Variants in PPP3CA observed in about 807,000 individuals in gnomAD.
The protein encoded by PPP3CA is protein phosphatase 3 catalytic subunit alpha.
PPP3CA carries 14 observed loss-of-function variants against 66.5 expected under a neutral mutation model. That is an observed-to-expected ratio of 0.21 (90% confidence interval 0.14 to 0.33). The LOEUF (loss-of-function observed/expected upper bound fraction) is 0.33. Ranked by LOEUF, PPP3CA falls within the 10% of genes least tolerant of loss-of-function variation. The pLI is 1.00. For synonymous variants in PPP3CA, 232 were observed against 226.2 expected, an observed-to-expected ratio of 1.03 and a Z score of -0.23; for missense variants, 317 against 639.5, an observed-to-expected ratio of 0.50 and a Z score of 5.44.
At chr4:101,309,512 C>T (rs945349553) in intron 1 of PPP3CA, among the ~76,000 whole-genome samples, 2 of 152,062 alleles carry the variant, frequency 1.3e-5, no homozygotes, top group African/African-American at 4.8e-5. Flanking sequence ...GGAGGTGGCA[C>T]TGCACAGTTC....
At chr4:101,232,516 T>C (rs1725995241) in intron 1 of PPP3CA, among the ~76,000 whole-genome samples, 1 of 151,786 alleles carries the variant, frequency 6.6e-6, no homozygotes, top group African/African-American at 2.4e-5. Flanking sequence ...ATAAATGCTT[T>C]ATCTCTAGTT....
At chr4:101,128,203 G>C (rs956732108) in intron 2 of PPP3CA, among the ~76,000 whole-genome samples, 11 of 152,120 alleles carry the variant, frequency 7.2e-5, no homozygotes, top group African/African-American at 2.7e-4. Flanking sequence ...ATGAGTTATA[G>C]TGTTCTATAC....
intron 4 of PPP3CA, 78 bp from the exon 5 acceptor site, chr4:101,098,590 A>G (rs1210404760): frequency 1.4e-6 from 2 of 1,390,838 alleles, no homozygotes; most frequent in Admixed American, 2.5e-5. Context: ...TTTTTTGAGA[A>G]GTTTTCTTGC....
At chr4:101,107,995 AC>A (rs1303970103) in intron 3 of PPP3CA, 1 of 152,232 alleles carries the variant, frequency 6.6e-6, no homozygotes, top group African/African-American at 2.4e-5. Context: ...TTATTAACAC[AC>A]CGTGTTAGGC....
At chr4:101,190,028 A>G (rs1039359031) in intron 2 of PPP3CA, among the ~76,000 whole-genome samples, 1 of 152,126 alleles carries the variant, frequency 6.6e-6, no homozygotes, top group Admixed American at 6.6e-5. Context: ...GATTGGAAAC[A>G]TGAGTATAAA....
chr4:101,298,065 A>G (rs1013189029), intron 1 of PPP3CA, among the ~76,000 whole-genome samples: 1 of 152,104 alleles, frequency 6.6e-6, no homozygotes, highest in African/African-American at 2.4e-5. Flanking sequence ...GGCAATTCCA[A>G]TAAGTGACTC....
At chr4:101,244,312 C>T (rs1464238836) in intron 1 of PPP3CA, among the ~76,000 whole-genome samples, 1 of 152,108 alleles carries the variant, frequency 6.6e-6, no homozygotes, top group Non-Finnish European at 1.5e-5. Context: ...AACTTAGAGT[C>T]CACACACTTC....
chr4:101,249,373 T>A (rs1726599781), intron 1 of PPP3CA, among the ~76,000 whole-genome samples: 1 of 152,152 alleles, frequency 6.6e-6, no homozygotes, highest in South Asian at 2.1e-4. Context: ...AAACAATGCC[T>A]TTGGTATTAT....
At chr4:101,082,171 T>C (rs572991200) in intron 7 of PPP3CA, among the ~76,000 whole-genome samples, 1 of 152,286 alleles carries the variant, frequency 6.6e-6, no homozygotes, top group African/African-American at 2.4e-5. Context: ...AGAACAATTA[T>C]TTGAAGACCT....
intron 8 of PPP3CA, among the ~76,000 whole-genome samples, chr4:101,076,374 T>C (rs1400746567): frequency 6.6e-6 from 1 of 151,168 alleles, no homozygotes; most frequent in Non-Finnish European, 1.5e-5. Flanking sequence ...GGCATGCAAC[T>C]TGGCTTTACA....
Position 101,188,538 on chromosome 4 carries a change from G to A in PPP3CA, c.259+7378C>T, listed in dbSNP as rs139608259. Among the ~76,000 whole-genome samples, 447 of 152,010 alleles carry A rather than the reference G, an allele frequency of 2.9e-3. 6 individuals are homozygous for A. The highest frequency in any genetic ancestry group is 9.7e-3 in the African/African-American group (403 of 41,480). On this transcript the variant is annotated intron_variant, in intron 2 of 13. Transcript: ENST00000394854. ...TAAATATTATTTTCATATGATGAAC[G>A]CGATCTAAAAATGTAACTTCTTAAG...
At chr4:101,135,127 G>A (rs983134825) in intron 2 of PPP3CA, among the ~76,000 whole-genome samples, 8 of 151,894 alleles carry the variant, frequency 5.3e-5, no homozygotes, top group Non-Finnish European at 8.8e-5. Context: ...TACATGATGG[G>A]CTAATGGGTG....
At chr4:101,286,367 A>C (rs1419336499) in intron 1 of PPP3CA, among the ~76,000 whole-genome samples, 1 of 152,228 alleles carries the variant, frequency 6.6e-6, no homozygotes, top group African/African-American at 2.4e-5. Context: ...TGCCAACCAC[A>C]ATCTTAGGTG....
intron 1 of PPP3CA, among the ~76,000 whole-genome samples, chr4:101,212,257 A>T (rs28638143): frequency 0.032 from 4,829 of 152,192 alleles, 242 homozygotes; most frequent in African/African-American, 0.11. Context: ...ACAGGATGGA[A>T]CTTATCTGGC....
At chr4:101,109,669 A>T (rs1007465461) in intron 2 of PPP3CA, among the ~76,000 whole-genome samples, 1 of 151,652 alleles carries the variant, frequency 6.6e-6, no homozygotes, top group African/African-American at 2.4e-5. Flanking sequence ...AAAAAAAAAA[A>T]AAAAACTCCA....
chr4:101,173,668 A>T (rs980016274), intron 2 of PPP3CA, among the ~76,000 whole-genome samples: 1 of 152,090 alleles, frequency 6.6e-6, no homozygotes, highest in Non-Finnish European at 1.5e-5. Context: ...AATAATTTTA[A>T]TTTTTCAATC....
chr4:101,075,501 C>G (rs1326313499), intron 8 of PPP3CA, among the ~76,000 whole-genome samples: 1 of 152,208 alleles, frequency 6.6e-6, no homozygotes, highest in African/African-American at 2.4e-5. Flanking sequence ...ACCCGTCCAT[C>G]CAACAACTCA....
intron 1 of PPP3CA, among the ~76,000 whole-genome samples, chr4:101,256,748 C>G (rs1025022544): frequency 2.6e-5 from 4 of 151,968 alleles, no homozygotes; most frequent in Admixed American, 2.6e-4. Flanking sequence ...CTGAGAAGCA[C>G]TGTAATGTTA....
intron 8 of PPP3CA, among the ~76,000 whole-genome samples, chr4:101,067,938 G>A (rs945119801): frequency 3.3e-5 from 5 of 151,918 alleles, no homozygotes; most frequent in Non-Finnish European, 7.4e-5. Flanking sequence ...TTTTCAAGTG[G>A]GTGTCCAGAG....
Sources: allele counts gnomAD v4.1 joint callset (sites outside exome capture counted in the v4.1 genomes callset), GRCh38; gene constraint gnomAD v4.1.1; transcripts MANE v1.5; gene names NCBI Gene and HGNC (gene_info 2026-07-23, HGNC 2026-07-21).